The following GRM8 variants were observed in gnomAD, a reference collection of about 807,000 sequenced individuals.
GRM8 encodes the protein metabotropic glutamate receptor 8.
Under a neutral mutation model 87.2 loss-of-function variants are expected in GRM8, and 47 were observed. That is an observed-to-expected ratio of 0.54 (90% CI 0.43 to 0.69). The LOEUF (loss-of-function observed/expected upper bound fraction) is 0.69. Ranked by LOEUF, GRM8 falls within the 30% of genes least tolerant of loss-of-function variation. The pLI, the probability that GRM8 is intolerant of heterozygous loss-of-function variation, is 0.00. For synonymous variants in GRM8, 396 were observed against 404.5 expected (o/e 0.98, Z 0.25); for missense variants, 1,019 against 1,139.2 (o/e 0.89, Z 1.52).
At chr7:126,874,229 A>G (rs1799349672) in intron 6 of GRM8, among the ~76,000 whole-genome samples, 2 of 152,086 alleles carry the variant, frequency 1.3e-5, no homozygotes, top group South Asian at 4.1e-4. Flanking sequence ...TGCATTCTCA[A>G]TGATTATAAA....
At chr7:127,066,426 G>T (rs1415544337) in intron 3 of GRM8, among the ~76,000 whole-genome samples, 1 of 152,142 alleles carries the variant, frequency 6.6e-6, no homozygotes, top group Admixed American at 6.5e-5. Flanking sequence ...GTTAACCTTT[G>T]TGTAGCATTT....
At chr7:127,214,059 A>G (rs1796374575) in intron 2 of GRM8, among the ~76,000 whole-genome samples, 2 of 152,240 alleles carry the variant, frequency 1.3e-5, no homozygotes, top group Non-Finnish European at 2.9e-5. Flanking sequence ...ATCCTTTTTC[A>G]TATGTTGAGA....
intron 3 of GRM8, among the ~76,000 whole-genome samples, chr7:126,939,293 T>C (rs1806652731): frequency 1.3e-5 from 2 of 152,194 alleles, no homozygotes; most frequent in South Asian, 4.1e-4. Flanking sequence ...CTTCTAGGTT[T>C]GAGAAGCCAA....
chr7:126,678,038 T>A (rs529871055), intron 7 of GRM8, among the ~76,000 whole-genome samples: 2 of 152,338 alleles, frequency 1.3e-5, no homozygotes, highest in South Asian at 4.1e-4. Flanking sequence ...ATGGTAGTTA[T>A]GATGGTGTTC....
At chr7:126,840,509 T>C (rs1463358472) in intron 6 of GRM8, among the ~76,000 whole-genome samples, 1 of 152,230 alleles carries the variant, frequency 6.6e-6, no homozygotes, top group Non-Finnish European at 1.5e-5. Flanking sequence ...TTTTTCTCAT[T>C]CATTATATTG....
chr7:127,222,079 A>G (rs967081498), intron 2 of GRM8, among the ~76,000 whole-genome samples: 1 of 152,182 alleles, frequency 6.6e-6, no homozygotes, highest in African/African-American at 2.4e-5. Flanking sequence ...AAATGGTGAA[A>G]TCTCTTAAAC....
chr7:126,739,922 T>C (rs946574026), intron 7 of GRM8, among the ~76,000 whole-genome samples: 2 of 152,026 alleles, frequency 1.3e-5, no homozygotes, highest in South Asian at 2.1e-4. Context: ...AGGAGCAATA[T>C]GTACCATATA....
chr7:126,733,765 G>A (rs10259217), intron 7 of GRM8, among the ~76,000 whole-genome samples: 1 of 151,594 alleles, frequency 6.6e-6, no homozygotes, highest in Non-Finnish European at 1.5e-5. Flanking sequence ...TCATTTTTAG[G>A]ATGGTCAACA....
chr7:126,607,057 C>T (rs1457821952), intron 8 of GRM8, among the ~76,000 whole-genome samples: 1 of 152,152 alleles, frequency 6.6e-6, no homozygotes, highest in East Asian at 1.9e-4. Flanking sequence ...AAAAAGCTTT[C>T]CTATCTTAGA....
At chr7:126,755,794 AT>A (rs1816941283) in intron 7 of GRM8, among the ~76,000 whole-genome samples, 2 of 151,840 alleles carry the variant, frequency 1.3e-5, no homozygotes, top group African/African-American at 4.8e-5. Flanking sequence ...GGATTAGATT[AT>A]TTTCTGATGG....
intron 2 of GRM8, among the ~76,000 whole-genome samples, chr7:127,138,120 A>C (rs1301696009): frequency 6.6e-6 from 1 of 152,186 alleles, no homozygotes; most frequent in Non-Finnish European, 1.5e-5. Context: ...AAGAATGTTG[A>C]AAACAGATAG....
intron 3 of GRM8, among the ~76,000 whole-genome samples, chr7:126,997,972 CA>C (rs1394172958): frequency 1.3e-5 from 2 of 151,678 alleles, no homozygotes; most frequent in Non-Finnish European, 1.5e-5. Context: ...AAAGACACAT[CA>C]AAAAAGAAAA....
chr7:126,529,274 G>A (rs991783670), intron 9 of GRM8, among the ~76,000 whole-genome samples: 7 of 152,086 alleles, frequency 4.6e-5, no homozygotes, highest in African/African-American at 7.2e-5. Context: ...TCACAAATAC[G>A]CATTTATATT....
chr7:126,696,284 A>C (rs1410175172), intron 7 of GRM8, among the ~76,000 whole-genome samples: 37 of 152,180 alleles, frequency 2.4e-4, no homozygotes, highest in Admixed American at 2.4e-3. Flanking sequence ...TTACACAGGT[A>C]AACGTCTGTC....
intron 6 of GRM8, among the ~76,000 whole-genome samples, chr7:126,788,673 T>C (rs192137774): frequency 1.5e-3 from 231 of 152,052 alleles, no homozygotes; most frequent in Non-Finnish European, 2.6e-3. Flanking sequence ...CATAACTTTA[T>C]AGTTGAACAT....
chr7:127,104,473 C>A (rs909453691), intron 3 of GRM8, among the ~76,000 whole-genome samples: 1 of 152,130 alleles, frequency 6.6e-6, no homozygotes, highest in Non-Finnish European at 1.5e-5. Context: ...TAGATAAAAT[C>A]TTTGTCATTA....
chr7:126,615,918 T>C (rs1799438413), intron 7 of GRM8, among the ~76,000 whole-genome samples: 1 of 152,012 alleles, frequency 6.6e-6, no homozygotes, highest in South Asian at 2.1e-4. Flanking sequence ...TCCCACACAA[T>C]AATAATGGGA....
At chr7:127,142,069 AC>A (rs1333232205) in intron 2 of GRM8, among the ~76,000 whole-genome samples, 1 of 151,948 alleles carries the variant, frequency 6.6e-6, no homozygotes, top group Non-Finnish European at 1.5e-5. Flanking sequence ...TACAACCTGG[AC>A]TTCCCAGGCT....
rs532427762 is a variant in GRM8, at chr7:126,830,349, G to A, written c.1157-60284C>T. Among the ~76,000 whole-genome samples the A allele has an allele frequency of 5.3e-5, 8 of 152,238 alleles. No individual in the cohort carries two copies. In the South Asian group the frequency reaches 1.5e-3, roughly 28 times the overall value. Reference sequence around the variant, plus strand: ...TCACTTTCAGGTCCACCAATCAGACGCAGATTTGGTCTTTTCACATAGTCC... The same window carrying A: ...TCACTTTCAGGTCCACCAATCAGACACAGATTTGGTCTTTTCACATAGTCC... On this transcript the variant is annotated intron_variant, in intron 6 of 10. Coordinates refer to ENST00000339582, the MANE Select transcript of GRM8 (RefSeq NM_000845.3).
Sources: gnomAD v4.1 joint callset for allele counts (sites outside exome capture counted in the v4.1 genomes callset) on GRCh38, gnomAD v4.1.1 for gene constraint, MANE v1.5 for transcripts, NCBI Gene and HGNC (gene_info 2026-07-23, HGNC 2026-07-21) for gene names.